The following EGFLAM variants were observed in gnomAD, a reference collection of about 807,000 sequenced individuals.
The protein encoded by EGFLAM is pikachurin.
In EGFLAM, 79 loss-of-function variants were observed where a neutral mutation model predicts 113.1. The ratio of observed to expected loss-of-function variants is 0.70; its 90% CI spans 0.58 to 0.84. The LOEUF (loss-of-function observed/expected upper bound fraction) is 0.84. Ranked by LOEUF, EGFLAM falls within the 40% of genes least tolerant of loss-of-function variation. EGFLAM has a pLI of 0.00. For synonymous variants in EGFLAM, 504 were observed against 487.6 expected (o/e 1.03, Z -0.44); for missense variants, 1,265 against 1,291.6 (o/e 0.98, Z 0.32).
chr5:38,330,192 A>G (rs1739004956), intron 1 of EGFLAM, among the ~76,000 whole-genome samples: 1 of 152,162 alleles, frequency 6.6e-6, no homozygotes, highest in Non-Finnish European at 1.5e-5. Flanking sequence ...TTTCCAGACT[A>G]TCTTGTAGCC....
At chr5:38,366,670 C>T (rs924670816) in intron 5 of EGFLAM, among the ~76,000 whole-genome samples, 1 of 152,170 alleles carries the variant, frequency 6.6e-6, no homozygotes, top group Non-Finnish European at 1.5e-5. Flanking sequence ...AAATTATTTT[C>T]CTTCAGTGAC....
At chr5:38,284,931 C>T (rs1185781601) in intron 1 of EGFLAM, among the ~76,000 whole-genome samples, 1 of 152,004 alleles carries the variant, frequency 6.6e-6, no homozygotes, top group Non-Finnish European at 1.5e-5. Context: ...TGATCCATAC[C>T]CCATTCTGCT....
chr5:38,377,220 C>T (rs567393287), intron 6 of EGFLAM, among the ~76,000 whole-genome samples: 1 of 152,138 alleles, frequency 6.6e-6, no homozygotes, highest in African/African-American at 2.4e-5. Flanking sequence ...TCACTGCAAC[C>T]TCCGCCCCCC....
intron 8 of EGFLAM, among the ~76,000 whole-genome samples, chr5:38,407,505 T>C (rs1348169340): frequency 1.3e-5 from 2 of 152,184 alleles, no homozygotes. Context: ...GGCCAACTTA[T>C]ATTACACAAA....
At chr5:38,462,062 G>T (rs992185474) in intron 20 of EGFLAM, among the ~76,000 whole-genome samples, 1 of 152,186 alleles carries the variant, frequency 6.6e-6, no homozygotes, top group Non-Finnish European at 1.5e-5. Context: ...CAGCTACTCG[G>T]GAGGCTGAGG....
chr5:38,260,060 T>C (rs1344904078), intron 1 of EGFLAM, among the ~76,000 whole-genome samples: 2 of 152,246 alleles, frequency 1.3e-5, no homozygotes, highest in Non-Finnish European at 2.9e-5. Flanking sequence ...ATCTACACCA[T>C]ATTTAAATTA....
At chr5:38,454,033 A>G (rs574570169) in intron 19 of EGFLAM, among the ~76,000 whole-genome samples, 12 of 152,036 alleles carry the variant, frequency 7.9e-5, no homozygotes, top group Non-Finnish European at 1.8e-4. Flanking sequence ...TCTGATTGTG[A>G]TCTGTGTAAG....
intron 10 of EGFLAM, among the ~76,000 whole-genome samples, chr5:38,411,488 T>C (rs980428883): frequency 1.9e-4 from 28 of 146,938 alleles, no homozygotes; most frequent in Non-Finnish European, 3.2e-4. Context: ...AATTTCTTTT[T>C]TTTTTTTTTT....
intron 1 of EGFLAM, among the ~76,000 whole-genome samples, chr5:38,271,162 G>T (rs2111716121): frequency 6.6e-6 from 1 of 152,208 alleles, no homozygotes; most frequent in East Asian, 1.9e-4. Flanking sequence ...CAAGAAGAAA[G>T]GATCAGGCCA....
At chr5:38,275,811 A>G (rs969619460) in intron 1 of EGFLAM, among the ~76,000 whole-genome samples, 1 of 152,192 alleles carries the variant, frequency 6.6e-6, no homozygotes, top group Non-Finnish European at 1.5e-5. Flanking sequence ...TACATTATAT[A>G]TTAGGCCACA....
intron 15 of EGFLAM, among the ~76,000 whole-genome samples, chr5:38,433,870 G>A (rs565437847): frequency 4.6e-5 from 7 of 152,240 alleles, no homozygotes; most frequent in South Asian, 2.1e-4. Context: ...CAAAGCTGCC[G>A]GAAGGCTATT....
chr5:38,301,944 A>G (rs1425771329), intron 1 of EGFLAM, among the ~76,000 whole-genome samples: 1 of 152,094 alleles, frequency 6.6e-6, no homozygotes, highest in Non-Finnish European at 1.5e-5. Flanking sequence ...TAATCTTGTG[A>G]CAGGAGGAGA....
chr5:38,336,821 C>T (rs1053403181), intron 1 of EGFLAM, among the ~76,000 whole-genome samples: 4 of 151,222 alleles, frequency 2.6e-5, no homozygotes, highest in African/African-American at 7.3e-5. Flanking sequence ...TAGAAACACA[C>T]ACACGTACAC....
At chr5:38,428,565 A>T (rs1742089614) in intron 14 of EGFLAM, among the ~76,000 whole-genome samples, 1 of 152,228 alleles carries the variant, frequency 6.6e-6, no homozygotes, top group Non-Finnish European at 1.5e-5. Flanking sequence ...ACAAAGGAAG[A>T]CACCTTGAAT....
At chr5:38,272,958 T>C (rs1288490720) in intron 1 of EGFLAM, among the ~76,000 whole-genome samples, 1 of 152,088 alleles carries the variant, frequency 6.6e-6, no homozygotes, top group African/African-American at 2.4e-5. Context: ...GATGGTGGAA[T>C]AGGACTCTCC....
chr5:38,263,355 G>C (rs1757550794), intron 1 of EGFLAM, among the ~76,000 whole-genome samples: 1 of 152,162 alleles, frequency 6.6e-6, no homozygotes, highest in African/African-American at 2.4e-5. Flanking sequence ...TCAGCTACTT[G>C]GGAGGCTGAG....
intron 19 of EGFLAM, 134 bp from the exon 20 acceptor site, chr5:38,458,177 C>A: frequency 1.4e-6 from 1 of 695,478 alleles, no homozygotes; most frequent in Non-Finnish European, 2.3e-6. Context: ...TTTTATAACA[C>A]TCTTGTTTTT....
intron 16 of EGFLAM, 135 bp from the exon 17 acceptor site, chr5:38,438,140 A>AAT: frequency 2.7e-6 from 2 of 730,652 alleles, no homozygotes; most frequent in Non-Finnish European, 4.0e-6. Context: ...AAAAAAAAAA[A>AAT]GTGGAAACTG....
rs1742032101 is a variant in EGFLAM at position 38,427,024 on chromosome 5, T to C, written c.1826T>C (p.Ile609Thr). 1.9e-6 allele frequency: 3 copies of C among 1,613,988 alleles called. No individual in the cohort carries two copies. Among genetic ancestry groups the C allele is most frequent in the Non-Finnish European group, 2.5e-6 (3 of 1,179,976 alleles). ...RHCEDAFTLTIPQFRESLRSY... is the reference protein window; with the variant it reads ...RHCEDAFTLTTPQFRESLRSY... ...GTTTTTTCAGCTTTCACCTTGACCATTCCTCAGTTCAGAGAGTCTCTGAGA... is the reference window on the plus strand; with the variant it reads ...GTTTTTTCAGCTTTCACCTTGACCACTCCTCAGTTCAGAGAGTCTCTGAGA... Residue 609 changes from isoleucine (I) to threonine (T), a missense_variant, in exon 14 of 22, where the codon ATT becomes ACT. Transcript: ENST00000322350.
Sources: allele counts gnomAD v4.1 joint callset (sites outside exome capture counted in the v4.1 genomes callset), GRCh38; gene constraint gnomAD v4.1.1; transcripts MANE v1.5; gene names NCBI Gene and HGNC (gene_info 2026-07-23, HGNC 2026-07-21).